The following UBAC2 variants were observed in gnomAD, a reference collection of about 807,000 sequenced individuals.
The protein encoded by UBAC2 is UBA domain containing 2.
UBAC2 carries 26 observed loss-of-function variants against 44.0 expected under a neutral mutation model. The ratio of observed to expected loss-of-function variants is 0.59; its 90% CI spans 0.43 to 0.82. The LOEUF (loss-of-function observed/expected upper bound fraction) is 0.82. Ranked by LOEUF, UBAC2 falls within the 40% of genes least tolerant of loss-of-function variation. The pLI is 0.00. For synonymous variants in UBAC2, 155 were observed against 154.3 expected (o/e 1.00, Z -0.04); for missense variants, 329 against 419.4 (o/e 0.78, Z 1.88).
intron 1 of UBAC2, chr13:99,201,590 A>G (rs2042800899): frequency 6.2e-7 from 1 of 1,612,982 alleles, no homozygotes. Flanking sequence ...GTATTTTTAC[A>G]GCCAGTTAAA....
intron 4 of UBAC2, among the ~76,000 whole-genome samples, chr13:99,246,331 A>G (rs970800668): frequency 1.3e-5 from 2 of 152,234 alleles, no homozygotes; most frequent in African/African-American, 4.8e-5. Context: ...TTGTAATTAG[A>G]CTGAGAAGTT....
chr13:99,308,474 A>G (rs2044369108), intron 4 of UBAC2, among the ~76,000 whole-genome samples: 1 of 152,252 alleles, frequency 6.6e-6, no homozygotes, highest in Non-Finnish European at 1.5e-5. Context: ...TTTTGGATCA[A>G]AAGATGAGAG....
chr13:99,222,521 A>C (rs1334107244), intron 1 of UBAC2, among the ~76,000 whole-genome samples: 1 of 152,246 alleles, frequency 6.6e-6, no homozygotes, highest in Non-Finnish European at 1.5e-5. Context: ...AGGTTAGATC[A>C]AAGGGGTAGC....
At chr13:99,366,882 A>G (rs2045338650) in intron 7 of UBAC2, among the ~76,000 whole-genome samples, 1 of 152,130 alleles carries the variant, frequency 6.6e-6, no homozygotes, top group Non-Finnish European at 1.5e-5. Flanking sequence ...CTTCTTTCAT[A>G]TTTAGCTGTG....
rs774631614 is a variant in UBAC2, at chr13:99,200,859, T to C, written c.-50T>C. 4.7e-6 allele frequency: 6 copies of C among 1,274,904 alleles called. No homozygotes were observed. The African/African-American group carries it at 9.2e-5, about 20-fold the overall frequency. 79.0% of individuals were successfully genotyped at this position (1,274,904 alleles called of 1,614,324 possible). On this transcript the variant is annotated 5_prime_UTR_variant, in exon 1 of 9. Transcript: ENST00000403766. ...CTGCGCGGTCGCTGGGGCTCGCACT[T>C]CAGCTTCCCCTCCCCCGGCGCCCTC...
chr13:99,301,139 C>T (rs1419635159), intron 4 of UBAC2, among the ~76,000 whole-genome samples: 2 of 152,170 alleles, frequency 1.3e-5, no homozygotes, highest in African/African-American at 4.8e-5. Context: ...TGAAAAGATG[C>T]ACGTGGCCCC....
intron 7 of UBAC2, among the ~76,000 whole-genome samples, chr13:99,361,656 C>G (rs1230562453): frequency 1.3e-5 from 2 of 152,180 alleles, no homozygotes; most frequent in Non-Finnish European, 2.9e-5. Flanking sequence ...AGCGGCTGCC[C>G]TGTACATTGT....
intron 7 of UBAC2, among the ~76,000 whole-genome samples, chr13:99,365,567 TGTTTTA>T (rs1459960402): frequency 2.0e-5 from 3 of 152,176 alleles, no homozygotes; most frequent in African/African-American, 4.8e-5. Context: ...TGAGGTTTTT[TGTTTTA>T]GTTATTATTT....
At chr13:99,342,128 T>C (rs1440654458) in intron 7 of UBAC2, among the ~76,000 whole-genome samples, 1 of 152,102 alleles carries the variant, frequency 6.6e-6, no homozygotes, top group Non-Finnish European at 1.5e-5. Flanking sequence ...TCAGTATCTA[T>C]GGGGGCGGGC....
intron 4 of UBAC2, 33 bp from the exon 5 acceptor site, chr13:99,314,062 CTA>C: frequency 5.1e-6 from 8 of 1,582,766 alleles, no homozygotes; most frequent in Non-Finnish European, 6.9e-6. Context: ...TTAAAATTCA[CTA>C]TTATAGTGAT....
intron 1 of UBAC2, chr13:99,201,563 A>C: frequency 6.2e-7 from 1 of 1,614,034 alleles, no homozygotes; most frequent in Non-Finnish European, 8.5e-7. Flanking sequence ...AGCGGTGGTC[A>C]GCAGGTAGGG....
chr13:99,266,486 C>T (rs1255847499), intron 4 of UBAC2, among the ~76,000 whole-genome samples: 1 of 152,176 alleles, frequency 6.6e-6, no homozygotes, highest in African/African-American at 2.4e-5. Flanking sequence ...CAAGCTTACT[C>T]TAAAACATTT....
chr13:99,202,945 G>C (rs921526336), intron 1 of UBAC2, among the ~76,000 whole-genome samples: 2 of 152,198 alleles, frequency 1.3e-5, no homozygotes, highest in African/African-American at 4.8e-5. Context: ...CTGGTCATTA[G>C]AAAAGGCTGT....
chr13:99,330,373 C>T (rs1336895447), intron 6 of UBAC2, among the ~76,000 whole-genome samples: 1 of 148,748 alleles, frequency 6.7e-6, no homozygotes, highest in Non-Finnish European at 1.5e-5. Flanking sequence ...GCAGGAGAAT[C>T]GCTTGAACCT....
At chr13:99,316,523 G>T (rs2044493119) in intron 5 of UBAC2, among the ~76,000 whole-genome samples, 1 of 152,056 alleles carries the variant, frequency 6.6e-6, no homozygotes, top group South Asian at 2.1e-4. Context: ...ATAACATCAT[G>T]CCCTGTGCAA....
chr13:99,356,412 A>G (rs1427461809), intron 7 of UBAC2, among the ~76,000 whole-genome samples: 1 of 152,266 alleles, frequency 6.6e-6, no homozygotes, highest in African/African-American at 2.4e-5. Flanking sequence ...CCCCTAAGCC[A>G]AAAGGTTCTC....
chr13:99,259,843 C>T (rs964971543), intron 4 of UBAC2, among the ~76,000 whole-genome samples: 1 of 152,176 alleles, frequency 6.6e-6, no homozygotes, highest in East Asian at 1.9e-4. Flanking sequence ...TGGCATGTGT[C>T]TAGAAGAGTC....
chr13:99,369,777 A>G (rs529864113), intron 8 of UBAC2, among the ~76,000 whole-genome samples: 4 of 152,348 alleles, frequency 2.6e-5, no homozygotes, highest in African/African-American at 9.6e-5. Flanking sequence ...AACATCACCA[A>G]TTATGGAACA....
intron 4 of UBAC2, among the ~76,000 whole-genome samples, chr13:99,273,863 CTTT>C (rs199875385): frequency 7.2e-6 from 1 of 137,968 alleles, no homozygotes; most frequent in Non-Finnish European, 1.6e-5. Context: ...CAGTTTTCAT[CTTT>C]TTTTTTTTTT....
Sources: allele counts gnomAD v4.1 joint callset (sites outside exome capture counted in the v4.1 genomes callset), GRCh38; gene constraint gnomAD v4.1.1; transcripts MANE v1.5; gene names NCBI Gene and HGNC (gene_info 2026-07-23, HGNC 2026-07-21).